UNC13B: variants seen among roughly 807,000 people sequenced by gnomAD.
UNC13B encodes protein unc-13 homolog B.
UNC13B carries 144 observed loss-of-function variants against 211.0 expected under a neutral mutation model. The ratio of observed to expected loss-of-function variants is 0.68; its 90% CI spans 0.60 to 0.78. UNC13B has a LOEUF of 0.78. Among genes scored for constraint, UNC13B ranks in the 30% least tolerant of loss-of-function variants. The probability of loss-of-function intolerance (pLI) is 0.00; values close to 1 mark genes in which losing one functional copy is unlikely to be tolerated. For synonymous variants in UNC13B, 709 were observed against 725.8 expected (o/e 0.98, Z 0.37); for missense variants, 1,777 against 2,002.0 (o/e 0.89, Z 2.14).
At chr9:35,316,210 C>A (rs1041648321) in intron 11 of UNC13B, among the ~76,000 whole-genome samples, 1 of 151,966 alleles carries the variant, frequency 6.6e-6, no homozygotes, top group African/African-American at 2.4e-5. Context: ...TTCTATTATT[C>A]TTTCTATATT....
chr9:35,364,616 C>T (rs962017411), intron 11 of UNC13B: 3 of 1,527,556 alleles, frequency 2.0e-6, no homozygotes, highest in Non-Finnish European at 1.8e-6. Flanking sequence ...ATTTCCCTCC[C>T]CTCCTTCCCA....
chr9:35,355,238 TTATC>T (rs1057225662), intron 11 of UNC13B, among the ~76,000 whole-genome samples: 1 of 152,214 alleles, frequency 6.6e-6, no homozygotes, highest in African/African-American at 2.4e-5. Flanking sequence ...TATGTATAGA[TTATC>T]TAATGAAAGA....
At chr9:35,335,391 C>G (rs1831595609) in intron 11 of UNC13B, among the ~76,000 whole-genome samples, 2 of 152,188 alleles carry the variant, frequency 1.3e-5, no homozygotes, top group African/African-American at 4.8e-5. Context: ...TGCTATTTAC[C>G]ACTATGCCCT....
rs924601901 is a variant in UNC13B at position 35,304,014 on chromosome 9, G to A, written c.4610G>A (p.Gly1537Asp). The A allele has an allele frequency of 1.5e-5, 6 of 398,610 alleles. No individual in the cohort carries two copies. In the Admixed American group the frequency reaches 1.8e-4, roughly 12 times the overall value. 24.7% of individuals were successfully genotyped at this position (398,610 alleles called of 1,614,324 possible). The part of the protein sequence containing the change: ...GDYGYYMFHD[G>D]QYIYSLLTDS... ...TATGGATATTATATGTTTCATGATGGTCAATATATCTATTCTCTTCTCACT... is the reference window on the plus strand; with the variant it reads ...TATGGATATTATATGTTTCATGATGATCAATATATCTATTCTCTTCTCACT... The change falls in exon 9 of 40, where the codon GGT (glycine) becomes GAT (aspartate). Residue 1537 changes from glycine (G) to aspartate (D), a missense_variant. Gly to Asp is a moderately conservative substitution (Grantham distance 94, BLOSUM62 -1). Transcript: ENST00000635942.
intron 7 of UNC13B, among the ~76,000 whole-genome samples, chr9:35,259,511 G>C (rs1030046751): frequency 6.6e-6 from 1 of 152,044 alleles, no homozygotes; most frequent in Non-Finnish European, 1.5e-5. Flanking sequence ...AGTTTTAAAA[G>C]ACATAGACAT....
rs1415793391 is a variant in UNC13B at position 35,301,954 on chromosome 9, A to G, written c.2550A>G (p.Lys850=). Residue 850 remains lysine (K), a synonymous_variant, in exon 9 of 40, where the codon AAA becomes AAG. Coordinates refer to ENST00000635942, the MANE Select transcript of UNC13B (RefSeq NM_001371189.2). The part of the protein sequence containing the change: ...EEDGLERGSK[K]DGHSFSFSGK... Reference sequence around the variant, plus strand: ...ATGGTTTAGAAAGGGGCTCTAAGAAAGATGGTCATTCCTTTTCCTTTAGTG... The same window carrying G: ...ATGGTTTAGAAAGGGGCTCTAAGAAGGATGGTCATTCCTTTTCCTTTAGTG... The G allele has an allele frequency of 2.5e-6, 1 of 398,690 alleles. No individual in the cohort carries two copies. Among genetic ancestry groups the G allele is most frequent in the Non-Finnish European group, 4.4e-6 (1 of 225,872 alleles). The allele number at this position is 398,690 out of a possible 1,614,324, so 24.7% of individuals were successfully genotyped here.
intron 38 of UNC13B, 77 bp from the exon 39 acceptor site, chr9:35,403,363 C>G (rs1224239465): frequency 1.0e-5 from 16 of 1,603,192 alleles, no homozygotes; most frequent in Non-Finnish European, 1.4e-5. Flanking sequence ...AGCCCTCCTC[C>G]AAGGGGAAGG....
At chr9:35,283,885 A>G (rs1314266656) in intron 7 of UNC13B, among the ~76,000 whole-genome samples, 1 of 152,144 alleles carries the variant, frequency 6.6e-6, no homozygotes, top group Admixed American at 6.5e-5. Flanking sequence ...ACTGAAAAGG[A>G]GTAGGAAGAG....
chr9:35,323,167 G>A (rs564846138), intron 11 of UNC13B, among the ~76,000 whole-genome samples: 1 of 151,642 alleles, frequency 6.6e-6, no homozygotes, highest in Admixed American at 6.6e-5. Context: ...TTGTATGTGT[G>A]TATTACACAC....
chr9:35,176,374 C>T (rs1302548417), intron 1 of UNC13B, among the ~76,000 whole-genome samples: 2 of 151,914 alleles, frequency 1.3e-5, no homozygotes, highest in Non-Finnish European at 2.9e-5. Flanking sequence ...ATGACAAAAC[C>T]CCGTCTCTAC....
Position 35,295,898 on chromosome 9 carries a change from T to C in UNC13B, c.729T>C (p.Tyr243=). The change falls in exon 8 of 40, where the codon TAT becomes TAC. Residue 243 remains tyrosine, a synonymous_variant. Transcript: ENST00000635942. ...RDSCNDSMQS[Y]DLDYPERRAI... is the part of the protein sequence containing the mutation. Reference sequence around the variant, plus strand: ...CTTGTAATGACTCTATGCAAAGTTATGACCTTGATTATCCAGAGCGGCGGG... The same window carrying C: ...CTTGTAATGACTCTATGCAAAGTTACGACCTTGATTATCCAGAGCGGCGGG... The C allele has an allele frequency of 6.2e-7, 1 of 1,613,766 alleles. No homozygotes were observed. Among genetic ancestry groups the C allele is most frequent in the Non-Finnish European group, 8.5e-7 (1 of 1,179,844 alleles).
Position 35,257,580 on chromosome 9 carries a change from CAAAAAAAAAAAAAA to C in UNC13B, c.469-1396_469-1383del, listed in dbSNP as rs1160474466. Among the ~76,000 whole-genome samples, 16 of 36,390 alleles carry C rather than the reference CAAAAAAAAAAAAAA, an allele frequency of 4.4e-4. No individual in the cohort carries two copies. In the East Asian group the frequency reaches 9.0e-3, roughly 20 times the overall value. 23.9% of individuals were successfully genotyped at this position (36,390 alleles called of 152,430 possible). ...TGGGAGAAAGAGTGAGAATCTGTAT[CAAAAAAAAAAAAAA>C]AAAAAAAAAAAAAAAAGATGTTTTG... is the stretch of plus-strand genomic sequence containing the variant. On this transcript the variant is annotated intron_variant, in intron 6 of 39. Coordinates refer to ENST00000635942, the MANE Select transcript of UNC13B (RefSeq NM_001371189.2).
intron 6 of UNC13B, among the ~76,000 whole-genome samples, chr9:35,257,580 CAAAAAAAAAAAAAAAA>C (rs1160474466): frequency 1.1e-4 from 4 of 36,378 alleles, no homozygotes; most frequent in Non-Finnish European, 1.7e-4. Flanking sequence ...GAATCTGTAT[CAAAAAAAAAAAAAAAA>C]AAAAAAAAAA....
At chr9:35,397,515 G>GAGAAA in intron 29 of UNC13B, 120 bp from the exon 30 acceptor site, 2 of 1,311,522 alleles carry the variant, frequency 1.5e-6, no homozygotes, top group Non-Finnish European at 2.1e-6. Context: ...CTGTACTGTG[G>GAGAAA]GATTCCCCCT....
intron 7 of UNC13B, chr9:35,290,974 G>A (rs1202911117): frequency 8.0e-7 from 1 of 1,246,768 alleles, no homozygotes; most frequent in African/African-American, 1.5e-5. Flanking sequence ...GTAAGGTAAG[G>A]CACATAATAA....
At chr9:35,297,544 TG>T (rs1404087718) in intron 8 of UNC13B, among the ~76,000 whole-genome samples, 1 of 144,900 alleles carries the variant, frequency 6.9e-6, no homozygotes, top group Non-Finnish European at 1.5e-5. Flanking sequence ...GCACATACTT[TG>T]TCTTTTTTTT....
intron 8 of UNC13B, among the ~76,000 whole-genome samples, chr9:35,297,364 C>T (rs977695759): frequency 3.3e-5 from 5 of 151,860 alleles, no homozygotes; most frequent in African/African-American, 9.7e-5. Context: ...GAATTACAGG[C>T]GTGAGCCACC....
Position 35,349,597 on chromosome 9 carries a change from A to G in UNC13B, c.9415-17350A>G, listed in dbSNP as rs542237847. ...CCTTGAGGTGAAGCAGTAATGCCTC[A>G]CAGGATGGATAGGGTTCTTAGATGA... is the stretch of plus-strand genomic sequence containing the variant. On this transcript the variant is annotated intron_variant, in intron 11 of 39. Transcript: ENST00000635942. Among the ~76,000 whole-genome samples the G allele has an allele frequency of 1.8e-4, 28 of 152,318 alleles. No individual in the cohort carries two copies. The East Asian group carries it at 3.7e-3, about 20-fold the overall frequency.
Position 35,272,477 on chromosome 9 carries a change from C to T in UNC13B, c.526+13427C>T, listed in dbSNP as rs542470263. Among the ~76,000 whole-genome samples the T allele has an allele frequency of 6.5e-4, 98 of 151,902 alleles. 1 individual carries two copies. Among genetic ancestry groups the T allele is most frequent in the African/African-American group, 2.1e-3 (88 of 41,466 alleles). ...TTCACCATGTTGGCCAGGCTGGCCT[C>T]GAACTCCTGACCTCAAGTGATCTAC... On this transcript the variant is annotated intron_variant, in intron 7 of 39. Transcript: ENST00000635942.
Sources: gnomAD v4.1 joint callset for allele counts (sites outside exome capture counted in the v4.1 genomes callset) on GRCh38, gnomAD v4.1.1 for gene constraint, MANE v1.5 for transcripts, NCBI Gene and HGNC (gene_info 2026-07-23, HGNC 2026-07-21) for gene names.